KCTD8: variants seen among roughly 807,000 people sequenced by gnomAD.
The protein encoded by KCTD8 is BTB/POZ domain-containing protein KCTD8.
Under a neutral mutation model 31.5 loss-of-function variants are expected in KCTD8, and 27 were observed. The observed-to-expected ratio is 0.86, with a 90% CI of 0.63 to 1.18. The LOEUF (loss-of-function observed/expected upper bound fraction) is 1.18, where lower values mean the gene tolerates loss of function less well. Among genes scored for constraint, KCTD8 ranks in the 50% most tolerant of loss-of-function variants. The pLI is 0.00. For missense variants in KCTD8, 658 were observed against 647.7 expected, an observed-to-expected ratio of 1.02 and a Z score of -0.17; for synonymous variants, 290 against 280.0, an observed-to-expected ratio of 1.04 and a Z score of -0.36.
chr4:44,292,803 T>C (rs370467568), intron 1 of KCTD8, among the ~76,000 whole-genome samples: 135 of 152,284 alleles, frequency 8.9e-4, no homozygotes, highest in African/African-American at 3.0e-3. Flanking sequence ...CTAATCATTA[T>C]AGAATTTCCT....
At chr4:44,251,486 GT>G (rs1205449238) in intron 1 of KCTD8, among the ~76,000 whole-genome samples, 2 of 151,318 alleles carry the variant, frequency 1.3e-5, no homozygotes, top group Admixed American at 1.3e-4. Context: ...GTCTTTTCAT[GT>G]CTTTCTTTGA....
intron 1 of KCTD8, among the ~76,000 whole-genome samples, chr4:44,320,046 C>A (rs1718248968): frequency 6.6e-6 from 1 of 151,706 alleles, no homozygotes; most frequent in Non-Finnish European, 1.5e-5. Flanking sequence ...CTGGTGAGCA[C>A]CTGTAATTCC....
chr4:44,306,603 A>T (rs11933903), intron 1 of KCTD8, among the ~76,000 whole-genome samples: 4,480 of 152,060 alleles, frequency 0.029, 253 homozygotes, highest in African/African-American at 0.1. Flanking sequence ...GGACCAAATC[A>T]TAAAGCTATC....
intron 1 of KCTD8, among the ~76,000 whole-genome samples, chr4:44,364,416 C>T (rs1000666072): frequency 6.6e-6 from 1 of 151,964 alleles, no homozygotes; most frequent in African/African-American, 2.4e-5. Context: ...AGCTAAAATC[C>T]AAAACACTGG....
At chr4:44,296,850 C>A (rs1717450733) in intron 1 of KCTD8, among the ~76,000 whole-genome samples, 2 of 151,928 alleles carry the variant, frequency 1.3e-5, no homozygotes, top group Non-Finnish European at 2.9e-5. Context: ...AAGAATGACA[C>A]CCCAAAGATT....
At chr4:44,327,550 T>C (rs1233749822) in intron 1 of KCTD8, among the ~76,000 whole-genome samples, 1 of 151,778 alleles carries the variant, frequency 6.6e-6, no homozygotes, top group Non-Finnish European at 1.5e-5. Flanking sequence ...TATATTGAAA[T>C]AATCAAGGCT....
chr4:44,301,881 AATTAATTTTTGT>A (rs1356889885), intron 1 of KCTD8, among the ~76,000 whole-genome samples: 6 of 152,128 alleles, frequency 3.9e-5, no homozygotes, highest in Admixed American at 2.6e-4. Flanking sequence ...ATCCATCTTG[AATTAATTTTTGT>A]ATAAGGTGTA....
In KCTD8 at chr4:44,178,971, A is replaced by G. The variant is rs542906970; in HGVS notation, c.962-3721T>C. Among the ~76,000 whole-genome samples the G allele has an allele frequency of 3.0e-4, 46 of 152,266 alleles. 1 individual carries two copies. In the East Asian group the frequency reaches 8.5e-3, roughly 28 times the overall value. ...GGTTCTGGAGGAGACACAACTATGG[A>G]TAAGATGAGCTTTCTGCCTGATGAA... On this transcript the variant is annotated intron_variant, in intron 1 of 1. Transcript: ENST00000360029.
chr4:44,299,860 C>T (rs183094800), intron 1 of KCTD8, among the ~76,000 whole-genome samples: 1 of 148,072 alleles, frequency 6.8e-6, no homozygotes, highest in African/African-American at 2.5e-5. Context: ...TCACATCTTT[C>T]TCCTGCCTCA....
At chr4:44,430,680 A>C (rs1325504015) in intron 1 of KCTD8, among the ~76,000 whole-genome samples, 1 of 151,656 alleles carries the variant, frequency 6.6e-6, no homozygotes, top group African/African-American at 2.4e-5. Context: ...TGAAGACAAC[A>C]GTTGTAAAAA....
chr4:44,404,030 C>A (rs747809490), intron 1 of KCTD8, among the ~76,000 whole-genome samples: 1 of 152,026 alleles, frequency 6.6e-6, no homozygotes, highest in Non-Finnish European at 1.5e-5. Context: ...TCTGATAGTA[C>A]GTCAGATTCA....
chr4:44,244,323 C>T (rs1392997592), intron 1 of KCTD8, among the ~76,000 whole-genome samples: 2 of 152,006 alleles, frequency 1.3e-5, no homozygotes, highest in African/African-American at 4.8e-5. Flanking sequence ...TGGAATTGGA[C>T]TGTGTTGAGG....
chr4:44,409,175 G>C (rs1720893751), intron 1 of KCTD8, among the ~76,000 whole-genome samples: 1 of 151,086 alleles, frequency 6.6e-6, no homozygotes, highest in Non-Finnish European at 1.5e-5. Context: ...TGGTGAGCGT[G>C]ATTGTGCCAT....
chr4:44,176,860 C>CGTCTATCTATCT (rs1553890661), intron 1 of KCTD8, among the ~76,000 whole-genome samples: 1 of 148,360 alleles, frequency 6.7e-6, no homozygotes, highest in Non-Finnish European at 1.5e-5. Context: ...TATATGTCTA[C>CGTCTATCTATCT]ATCTATCTAT....
chr4:44,339,791 C>T (rs1174945563), intron 1 of KCTD8, among the ~76,000 whole-genome samples: 4 of 152,106 alleles, frequency 2.6e-5, no homozygotes, highest in Non-Finnish European at 4.4e-5. Flanking sequence ...AATATGCTTC[C>T]TGATCACAAC....
rs557997047 is a variant in KCTD8, at chr4:44,335,423, A to G, written c.961+112140T>C. 1.6e-4 allele frequency among the ~76,000 whole-genome samples: 24 copies of G among 152,226 alleles called. 1 individual carries two copies. In the South Asian group the frequency reaches 4.2e-3, roughly 26 times the overall value. On this transcript the variant is annotated intron_variant, in intron 1 of 1. Coordinates refer to ENST00000360029, the MANE Select transcript of KCTD8 (RefSeq NM_198353.3). Reference sequence around the variant, plus strand: ...CCCGAGACACACAATTTACCCATATAACAAACCTCCACATGTACTTCCTGA... The same window carrying G: ...CCCGAGACACACAATTTACCCATATGACAAACCTCCACATGTACTTCCTGA...
intron 1 of KCTD8, among the ~76,000 whole-genome samples, chr4:44,186,451 T>A (rs566457512): frequency 1.3e-5 from 2 of 152,288 alleles, no homozygotes; most frequent in South Asian, 2.1e-4. Context: ...GCAAGAACAC[T>A]GGGATACAGA....
At chr4:44,436,355 T>C (rs980835742) in intron 1 of KCTD8, among the ~76,000 whole-genome samples, 19 of 152,004 alleles carry the variant, frequency 1.2e-4, no homozygotes, top group African/African-American at 3.1e-4. Flanking sequence ...TGTAAACAAA[T>C]TGATGGCATT....
At chr4:44,356,761 C>T (rs538413522) in intron 1 of KCTD8, among the ~76,000 whole-genome samples, 9 of 152,106 alleles carry the variant, frequency 5.9e-5, no homozygotes, top group Middle Eastern at 3.2e-3. Flanking sequence ...TGTGAGCCAC[C>T]GTGCTTGGCC....
Sources: allele counts gnomAD v4.1 joint callset (sites outside exome capture counted in the v4.1 genomes callset), GRCh38; gene constraint gnomAD v4.1.1; transcripts MANE v1.5; gene names NCBI Gene and HGNC (gene_info 2026-07-23, HGNC 2026-07-21).